CNTN1: variants seen among roughly 807,000 people sequenced by gnomAD.
The protein encoded by CNTN1 is contactin-1.
CNTN1 carries 38 observed loss-of-function variants against 126.4 expected under a neutral mutation model. The observed-to-expected ratio is 0.30, with a 90% CI of 0.23 to 0.39. The LOEUF (loss-of-function observed/expected upper bound fraction) is 0.39, where lower values mean the gene tolerates loss of function less well. Among genes scored for constraint, CNTN1 ranks in the 10% least tolerant of loss-of-function variants. The pLI is 1.00. For missense variants in CNTN1, 1,009 were observed against 1,248.4 expected (o/e 0.81, Z 2.89); for synonymous variants, 413 against 422.6 (o/e 0.98, Z 0.28).
At chr12:40,725,865 G>A (rs942753852) in intron 1 of CNTN1, among the ~76,000 whole-genome samples, 1 of 151,776 alleles carries the variant, frequency 6.6e-6, no homozygotes, top group African/African-American at 2.4e-5. Flanking sequence ...TTTGACACAA[G>A]GAGGCCAGAA....
chr12:40,977,961 G>A (rs1466053500), intron 15 of CNTN1, among the ~76,000 whole-genome samples: 1 of 151,878 alleles, frequency 6.6e-6, no homozygotes, highest in African/African-American at 2.4e-5. Context: ...GTACTGCCAT[G>A]CCAGCTGATT....
chr12:40,999,848 G>T (rs778741191), intron 17 of CNTN1, among the ~76,000 whole-genome samples: 1 of 151,822 alleles, frequency 6.6e-6, no homozygotes, highest in South Asian at 2.1e-4. Context: ...GACTACAGGC[G>T]CTCACCACCA....
intron 1 of CNTN1, among the ~76,000 whole-genome samples, chr12:40,812,468 G>C (rs138942079): frequency 6.6e-6 from 1 of 152,138 alleles, no homozygotes; most frequent in Non-Finnish European, 1.5e-5. Flanking sequence ...CTGATTTTCT[G>C]TCTGGATGAT....
At chr12:40,911,639 T>C (rs1031927355) in intron 3 of CNTN1, among the ~76,000 whole-genome samples, 2 of 152,236 alleles carry the variant, frequency 1.3e-5, no homozygotes, top group African/African-American at 4.8e-5. Context: ...TGGTCAACTC[T>C]CAGGCTTCCT....
chr12:40,709,981 AC>A (rs1941870681), intron 1 of CNTN1, among the ~76,000 whole-genome samples: 1 of 152,116 alleles, frequency 6.6e-6, no homozygotes, highest in Admixed American at 6.6e-5. Flanking sequence ...TATATTCACA[AC>A]TTAGCTATTT....
chr12:40,911,301 C>T (rs1945022438), intron 3 of CNTN1, among the ~76,000 whole-genome samples: 1 of 152,044 alleles, frequency 6.6e-6, no homozygotes, highest in East Asian at 1.9e-4. Context: ...AGGATGGTCT[C>T]AATCTCCTGA....
At chr12:40,813,026 T>TTTTCTTTCCTTCCTTTCTTTCTTTCTTTC in intron 1 of CNTN1, among the ~76,000 whole-genome samples, 1 of 41,274 alleles carries the variant, frequency 2.4e-5, no homozygotes, top group Non-Finnish European at 6.1e-5. Context: ...CTTTCTTTCT[T>TTTTCTTTCCTTCCTTTCTTTCTTTCTTTC]TCTCTTTCTT....
At chr12:40,981,641 TTAAC>T (rs1356168177) in intron 16 of CNTN1, among the ~76,000 whole-genome samples, 9 of 152,108 alleles carry the variant, frequency 5.9e-5, no homozygotes, top group African/African-American at 7.2e-5. Flanking sequence ...TCGGGAAAAA[TTAAC>T]TAAGAATAAG....
At chr12:40,910,011 G>A (rs1057082140) in intron 2 of CNTN1, 62 bp from the exon 3 acceptor site, 5 of 1,275,014 alleles carry the variant, frequency 3.9e-6, no homozygotes, top group Non-Finnish European at 5.7e-6. Flanking sequence ...TTTAAGTAAT[G>A]TTTGAAACCA....
intron 23 of CNTN1, chr12:41,061,840 T>G: frequency 2.2e-6 from 1 of 455,604 alleles, no homozygotes; most frequent in Non-Finnish European, 4.4e-6. Context: ...GCCCAAATAT[T>G]CTCTGTTGCT....
At chr12:41,053,950 T>C (rs943415042) in intron 23 of CNTN1, among the ~76,000 whole-genome samples, 26 of 151,810 alleles carry the variant, frequency 1.7e-4, no homozygotes, top group African/African-American at 6.3e-4. Flanking sequence ...CAGCTCTTAA[T>C]TGTGTTCATG....
chr12:41,055,469 T>G (rs1432279306), intron 23 of CNTN1, among the ~76,000 whole-genome samples: 8 of 152,086 alleles, frequency 5.3e-5, no homozygotes, highest in Non-Finnish European at 1.5e-5. Flanking sequence ...TACCCTCCTT[T>G]TTGCTCCCCT....
At chr12:40,711,510 C>T (rs960593333) in intron 1 of CNTN1, among the ~76,000 whole-genome samples, 6 of 152,050 alleles carry the variant, frequency 3.9e-5, no homozygotes, top group Non-Finnish European at 7.4e-5. Context: ...TATTGACTTC[C>T]TGATGTCAGG....
At chr12:40,776,049 C>T (rs1384669095) in intron 1 of CNTN1, among the ~76,000 whole-genome samples, 1 of 151,588 alleles carries the variant, frequency 6.6e-6, no homozygotes, top group Non-Finnish European at 1.5e-5. Flanking sequence ...CTATTTAGGG[C>T]ATTTGCCTCA....
intron 1 of CNTN1, among the ~76,000 whole-genome samples, chr12:40,712,809 G>A (rs931011927): frequency 3.3e-5 from 5 of 151,972 alleles, no homozygotes; most frequent in Non-Finnish European, 5.9e-5. Flanking sequence ...TTGGATGTTT[G>A]TTCCCCAAAA....
intron 1 of CNTN1, among the ~76,000 whole-genome samples, chr12:40,839,688 C>T (rs1215324417): frequency 1.1e-4 from 16 of 152,080 alleles, no homozygotes; most frequent in Admixed American, 8.5e-4. Context: ...TCATTAATGA[C>T]GTAGAAATAA....
At chr12:40,718,362 C>CTAGA (rs911450849) in intron 1 of CNTN1, among the ~76,000 whole-genome samples, 3 of 151,562 alleles carry the variant, frequency 2.0e-5, no homozygotes, top group Admixed American at 6.6e-5. Flanking sequence ...TTGTATTTTA[C>CTAGA]TAGAGATGGG....
At chr12:40,737,359 G>GTATATATATATATATATATA (rs57273919) in intron 1 of CNTN1, among the ~76,000 whole-genome samples, 13 of 113,244 alleles carry the variant, frequency 1.1e-4, no homozygotes, top group African/African-American at 2.0e-4. Context: ...ATGTGTGTGT[G>GTATATATATATATATATATA]TATATATATA....
intron 1 of CNTN1, among the ~76,000 whole-genome samples, chr12:40,704,977 TA>T (rs2121131244): frequency 6.6e-6 from 1 of 152,274 alleles, no homozygotes; most frequent in African/African-American, 2.4e-5. Context: ...ATCCTTGCAA[TA>T]AAAATCCCTC....
Sources: gnomAD v4.1 joint callset for allele counts (sites outside exome capture counted in the v4.1 genomes callset) on GRCh38, gnomAD v4.1.1 for gene constraint, MANE v1.5 for transcripts, NCBI Gene and HGNC (gene_info 2026-07-23, HGNC 2026-07-21) for gene names.